PCDHA8: variants seen among roughly 807,000 people sequenced by gnomAD.
PCDHA8 encodes protocadherin alpha-8.
PCDHA8 carries 53 observed loss-of-function variants against 61.8 expected under a neutral mutation model. The observed-to-expected ratio is 0.86, with a 90% CI of 0.69 to 1.08. The LOEUF is 1.08. Among genes scored for constraint, PCDHA8 ranks in the 50% least tolerant of loss-of-function variants. The pLI, the probability that PCDHA8 is intolerant of heterozygous loss-of-function variation, is 0.00. For synonymous variants in PCDHA8, 618 were observed against 556.6 expected (o/e 1.11, Z -1.55); for missense variants, 1,293 against 1,245.0 (o/e 1.04, Z -0.58).
intron 1 of PCDHA8, among the ~76,000 whole-genome samples, chr5:140,958,215 T>G (rs1554223379): frequency 6.6e-6 from 1 of 152,132 alleles, no homozygotes; most frequent in Non-Finnish European, 1.5e-5. Context: ...GAATTAGATT[T>G]TAAAGGACTT....
intron 1 of PCDHA8, chr5:140,856,728 T>C: frequency 6.3e-7 from 1 of 1,595,848 alleles, no homozygotes. Context: ...TCTGTTTCTC[T>C]GCTGATCCTG....
At position 141,010,190 on chromosome 5, in the gene PCDHA8, CCTTT is replaced by C. The variant is rs763940360; in HGVS notation, c.*256_*259del. On this transcript the variant is annotated 3_prime_UTR_variant, in exon 4 of 4. Coordinates refer to ENST00000531613, the MANE Select transcript of PCDHA8 (RefSeq NM_018911.3). ...GAACCTAAAAAGCAGACCCAAGTTT[CCTTT>C]CTCCTCCGCCGCAAAGGAGAGGCTT... 6.4e-7 allele frequency: 1 copy of C among 1,552,504 alleles called. No individual in the cohort carries two copies. Among genetic ancestry groups the C allele is most frequent in the Non-Finnish European group, 8.7e-7 (1 of 1,147,234 alleles).
intron 3 of PCDHA8, among the ~76,000 whole-genome samples, chr5:141,000,395 CTATATATATA>C (rs1190667031): frequency 1.9e-5 from 1 of 53,986 alleles, no homozygotes; most frequent in Non-Finnish European, 3.2e-5. Context: ...CTCTCTCTCT[CTATATATATA>C]TATATATATA....
At chr5:140,902,437 T>A (rs2069464443) in intron 1 of PCDHA8, among the ~76,000 whole-genome samples, 3 of 152,154 alleles carry the variant, frequency 2.0e-5, no homozygotes, top group Admixed American at 2.0e-4. Context: ...GGCATCCTTG[T>A]CATATTCTAG....
intron 1 of PCDHA8, chr5:140,861,513 T>C: frequency 2.1e-6 from 1 of 470,750 alleles, no homozygotes; most frequent in East Asian, 6.2e-5. Flanking sequence ...CGAGGAGCTG[T>C]GTGGGAGGAT....
chr5:141,007,037 T>C (rs1413139986), intron 3 of PCDHA8, among the ~76,000 whole-genome samples: 1 of 152,170 alleles, frequency 6.6e-6, no homozygotes, highest in Non-Finnish European at 1.5e-5. Flanking sequence ...TTTATATCTA[T>C]GGATATGGCT....
intron 1 of PCDHA8, among the ~76,000 whole-genome samples, chr5:140,886,267 A>C (rs1472520900): frequency 6.6e-6 from 1 of 151,960 alleles, no homozygotes; most frequent in African/African-American, 2.4e-5. Context: ...TTTATAGATA[A>C]AATTTTTTAA....
At chr5:140,923,878 G>A (rs1475731417) in intron 1 of PCDHA8, among the ~76,000 whole-genome samples, 3 of 152,192 alleles carry the variant, frequency 2.0e-5, no homozygotes, top group Non-Finnish European at 4.4e-5. Context: ...TCTGAGAAGC[G>A]TGTGAAAGAG....
At chr5:140,909,926 A>G (rs781804027) in intron 1 of PCDHA8, among the ~76,000 whole-genome samples, 4 of 152,190 alleles carry the variant, frequency 2.6e-5, no homozygotes, top group Admixed American at 2.6e-4. Flanking sequence ...CCTTTCCCCA[A>G]TCACAGTTAC....
At chr5:140,949,825 C>G (rs1321892793) in intron 1 of PCDHA8, among the ~76,000 whole-genome samples, 2 of 151,748 alleles carry the variant, frequency 1.3e-5, no homozygotes, top group African/African-American at 4.8e-5. Flanking sequence ...TATTTGTCCC[C>G]TCTGATTTTG....
rs1205449386 is a variant in PCDHA8 at position 140,856,525 on chromosome 5, G to A, written c.2394+12810G>A. The A allele has an allele frequency of 2.5e-6, 4 of 1,598,294 alleles. 1 individual carries two copies. The highest frequency in any genetic ancestry group is 8.6e-7 in the Non-Finnish European group (1 of 1,167,878). On this transcript the variant is annotated intron_variant, in intron 1 of 3. Transcript: ENST00000531613. ...TTCCACTAGAAGGCGCATCTGATGC[G>A]GATGTTGGAGAGAACGCATTGCTTA... is the stretch of plus-strand genomic sequence containing the variant.
At chr5:140,988,157 G>A (rs1344911037) in intron 3 of PCDHA8, among the ~76,000 whole-genome samples, 5 of 152,014 alleles carry the variant, frequency 3.3e-5, no homozygotes, top group African/African-American at 7.3e-5. Context: ...AACTTCTGCC[G>A]TTGTCATAGC....
intron 1 of PCDHA8, among the ~76,000 whole-genome samples, chr5:140,951,684 A>G (rs1392497741): frequency 3.3e-5 from 5 of 152,144 alleles, no homozygotes; most frequent in African/African-American, 1.2e-4. Flanking sequence ...GGGGATTACA[A>G]TGTGACATGA....
intron 1 of PCDHA8, chr5:140,861,372 A>G (rs2046882996): frequency 8.6e-5 from 35 of 407,054 alleles, no homozygotes; most frequent in South Asian, 7.5e-4. Context: ...CGCGGTCCCT[A>G]TTGCGCAGGA....
At chr5:140,998,645 A>T (rs1020510258) in intron 3 of PCDHA8, among the ~76,000 whole-genome samples, 12 of 151,600 alleles carry the variant, frequency 7.9e-5, no homozygotes, top group Non-Finnish European at 1.6e-4. Context: ...GCTCACTGCA[A>T]CCTCTGCCTC....
intron 1 of PCDHA8, among the ~76,000 whole-genome samples, chr5:140,881,170 T>C (rs1442098863): frequency 1.3e-5 from 2 of 152,246 alleles, no homozygotes; most frequent in Non-Finnish European, 1.5e-5. Flanking sequence ...CCTCTTCCTC[T>C]TTTCCTTGCT....
At chr5:140,925,082 A>G (rs1362065754) in intron 1 of PCDHA8, among the ~76,000 whole-genome samples, 1 of 147,284 alleles carries the variant, frequency 6.8e-6, no homozygotes, top group African/African-American at 2.6e-5. Context: ...GCTCATCTGG[A>G]AAGGAAGGAA....
chr5:140,859,139 T>G (rs2045740585), intron 1 of PCDHA8: 1 of 150,214 alleles, frequency 6.7e-6, no homozygotes, highest in African/African-American at 2.4e-5. Context: ...TTACATAATT[T>G]TATCCAGTAG....
intron 1 of PCDHA8, among the ~76,000 whole-genome samples, chr5:140,912,746 A>G (rs1322674627): frequency 6.6e-6 from 1 of 152,200 alleles, no homozygotes; most frequent in Admixed American, 6.5e-5. Flanking sequence ...TGGGTCTGTC[A>G]TAGATGGCTT....
Sources: allele counts gnomAD v4.1 joint callset (sites outside exome capture counted in the v4.1 genomes callset), GRCh38; gene constraint gnomAD v4.1.1; transcripts MANE v1.5; gene names NCBI Gene and HGNC (gene_info 2026-07-23, HGNC 2026-07-21).